Variants in ST18 observed in about 807,000 individuals in gnomAD.
ST18 encodes the protein suppression of tumorigenicity 18 protein.
In ST18, 50 loss-of-function variants were observed where a neutral mutation model predicts 110.0. That is an observed-to-expected ratio of 0.45 (90% CI 0.36 to 0.58). The LOEUF is 0.58. Among genes scored for constraint, ST18 ranks in the 20% least tolerant of loss-of-function variants. The probability of loss-of-function intolerance (pLI) is 0.00; values close to 1 mark genes in which losing one functional copy is unlikely to be tolerated. For synonymous variants in ST18, 461 were observed against 452.4 expected (o/e 1.02, Z -0.24); for missense variants, 1,306 against 1,280.1 (o/e 1.02, Z -0.31).
intron 13 of ST18, among the ~76,000 whole-genome samples, chr8:52,163,402 A>G (rs1009730360): frequency 2.2e-4 from 33 of 152,216 alleles, no homozygotes; most frequent in African/African-American, 7.5e-4. Flanking sequence ...CTTTACATTA[A>G]ATATCATCAT....
intron 9 of ST18, among the ~76,000 whole-genome samples, chr8:52,174,506 C>A (rs2133919299): frequency 6.6e-6 from 1 of 152,252 alleles, no homozygotes; most frequent in Non-Finnish European, 1.5e-5. Context: ...AGAGTGCTAA[C>A]AAAAGCTCTA....
At chr8:52,150,047 T>C in intron 15 of ST18, 70 bp from the exon 16 acceptor site, 2 of 1,522,788 alleles carry the variant, frequency 1.3e-6, no homozygotes, top group Middle Eastern at 2.0e-4. Context: ...GTGGGGCTTT[T>C]AAGGGATCAT....
chr8:52,275,977 C>T (rs1029042608), intron 2 of ST18, among the ~76,000 whole-genome samples: 1 of 116,806 alleles, frequency 8.6e-6, no homozygotes. Flanking sequence ...ATATGCATAC[C>T]ACATCCTACA....
intron 2 of ST18, among the ~76,000 whole-genome samples, chr8:52,360,748 C>T (rs1295631364): frequency 6.6e-6 from 1 of 152,132 alleles, no homozygotes; most frequent in Non-Finnish European, 1.5e-5. Flanking sequence ...AATTCAATTT[C>T]ACTTAAGCTG....
At chr8:52,136,520 G>A (rs566802977) in intron 19 of ST18, 70 bp downstream of exon 19, 1 of 1,458,210 alleles carries the variant, frequency 6.9e-7, no homozygotes, top group Non-Finnish European at 9.5e-7. Context: ...CTTGGGCAAT[G>A]AATGGGCACT....
In ST18 at chr8:52,308,785, G is replaced by A. The variant is rs1025125183; in HGVS notation, c.-464-78708C>T. Among the ~76,000 whole-genome samples, 4 of 152,178 alleles carry A rather than the reference G, an allele frequency of 2.6e-5. No individual in the cohort carries two copies. The East Asian group carries it at 7.7e-4, about 29-fold the overall frequency. ...GGAACAACTGGGGAGACACTGGAGA[G>A]GCCACCAGCACTGTCTGGACTGTGC... On this transcript the variant is annotated intron_variant, in intron 2 of 25. Coordinates refer to ENST00000689386, the MANE Select transcript of ST18 (RefSeq NM_001352837.2).
At chr8:52,233,249 T>C (rs1457367437) in intron 2 of ST18, among the ~76,000 whole-genome samples, 2 of 152,158 alleles carry the variant, frequency 1.3e-5, no homozygotes, top group Non-Finnish European at 2.9e-5. Context: ...GAGTCCTCCG[T>C]GAGTGGAGAG....
chr8:52,317,883 C>A (rs1398027524), intron 2 of ST18, among the ~76,000 whole-genome samples: 1 of 152,100 alleles, frequency 6.6e-6, no homozygotes, highest in Non-Finnish European at 1.5e-5. Flanking sequence ...AATATTTGGC[C>A]ACATTTTTAT....
At chr8:52,264,359 A>G (rs564818387) in intron 2 of ST18, among the ~76,000 whole-genome samples, 38 of 152,342 alleles carry the variant, frequency 2.5e-4, no homozygotes, top group South Asian at 8.3e-4. Flanking sequence ...TTTAAAAATT[A>G]CCCATATCAG....
chr8:52,265,279 G>A (rs1255838487), intron 2 of ST18, among the ~76,000 whole-genome samples: 2 of 152,242 alleles, frequency 1.3e-5, no homozygotes, highest in Non-Finnish European at 2.9e-5. Flanking sequence ...GGGGAGAAGA[G>A]GAGATGAGGT....
At chr8:52,309,983 G>C (rs1270908880) in intron 2 of ST18, among the ~76,000 whole-genome samples, 1 of 152,122 alleles carries the variant, frequency 6.6e-6, no homozygotes, top group Non-Finnish European at 1.5e-5. Flanking sequence ...ATGGGGAGAG[G>C]GAAAGACAGA....
intron 2 of ST18, among the ~76,000 whole-genome samples, chr8:52,378,434 A>T (rs138784709): frequency 6.6e-6 from 1 of 152,210 alleles, no homozygotes; most frequent in Non-Finnish European, 1.5e-5. Flanking sequence ...ATTTACTGCT[A>T]AAAAGGGCAT....
chr8:52,407,011 A>C (rs1844754920), intron 2 of ST18: 1 of 152,254 alleles, frequency 6.6e-6, no homozygotes. Context: ...CATCCTAATT[A>C]GCCTATAAGA....
chr8:52,266,128 A>G (rs2094859284), intron 2 of ST18, among the ~76,000 whole-genome samples: 1 of 152,244 alleles, frequency 6.6e-6, no homozygotes, highest in African/African-American at 2.4e-5. Flanking sequence ...TACTATTTAA[A>G]CTATGCAAGA....
intron 9 of ST18, among the ~76,000 whole-genome samples, chr8:52,177,993 T>C (rs370766946): frequency 7.2e-5 from 11 of 152,220 alleles, no homozygotes; most frequent in African/African-American, 2.7e-4. Flanking sequence ...TAATATGAAA[T>C]ATAAACATAG....
At chr8:52,379,852 T>C (rs1346659861) in intron 2 of ST18, among the ~76,000 whole-genome samples, 1 of 152,228 alleles carries the variant, frequency 6.6e-6, no homozygotes, top group African/African-American at 2.4e-5. Flanking sequence ...GAACATACTG[T>C]ACCACTGTAA....
intron 15 of ST18, among the ~76,000 whole-genome samples, chr8:52,154,253 C>A (rs2059493307): frequency 6.6e-6 from 1 of 152,212 alleles, no homozygotes; most frequent in Admixed American, 6.5e-5. Context: ...GCCAGACTTC[C>A]TGATACCAGG....
intron 8 of ST18, among the ~76,000 whole-genome samples, chr8:52,191,273 A>G (rs2074373173): frequency 6.6e-6 from 1 of 152,236 alleles, no homozygotes; most frequent in Non-Finnish European, 1.5e-5. Context: ...GAGCAAGGCC[A>G]TGTCATGTGC....
At chr8:52,374,327 T>G (rs1385701473) in intron 2 of ST18, among the ~76,000 whole-genome samples, 1 of 151,844 alleles carries the variant, frequency 6.6e-6, no homozygotes, top group Non-Finnish European at 1.5e-5. Context: ...AGGCAGAGGC[T>G]GGGTGATGCA....
Sources: allele counts gnomAD v4.1 joint callset (sites outside exome capture counted in the v4.1 genomes callset), GRCh38; gene constraint gnomAD v4.1.1; transcripts MANE v1.5; gene names NCBI Gene and HGNC (gene_info 2026-07-23, HGNC 2026-07-21).